LPA: variants seen among roughly 807,000 people sequenced by gnomAD.
The protein encoded by LPA is apolipoprotein(a).
In LPA, 199 loss-of-function variants were observed where a neutral mutation model predicts 197.9. The observed-to-expected ratio is 1.01, with a 90% confidence interval of 0.90 to 1.13. The LOEUF is 1.13. Ranked by LOEUF, LPA falls within the 50% of genes most tolerant of loss-of-function variation. LPA has a pLI of 0.00. For synonymous variants in LPA, 715 were observed against 639.5 expected, an observed-to-expected ratio of 1.12 and a Z score of -1.78; for missense variants, 1,853 against 1,785.8, an observed-to-expected ratio of 1.04 and a Z score of -0.68.
rs1338011677 is a variant in LPA, at chr6:160,586,472, C to G, written c.4106G>C (p.Ser1369Thr). 1 of 1,613,496 alleles carries G rather than the reference C, an allele frequency of 6.2e-7. No individual in the cohort carries two copies. Among genetic ancestry groups the G allele is most frequent in the Non-Finnish European group, 8.5e-7 (1 of 1,179,660 alleles). Reference protein sequence around the residue: ...LTTPTVVPVPSTELPSEEAPT... With the variant: ...LTTPTVVPVPTTELPSEEAPT... ...ACCTTCTTCAGAAGGAAGCTCTGTG[C>G]TTGGAACTGGGACCACCGTGGGAGT... is the stretch of plus-strand genomic sequence containing the variant. The change falls in exon 25 of 39, where the codon AGC becomes ACC. Residue 1369 changes from serine (S) to threonine (T), a missense_variant. This residue lies in a region of LPA where 1,737 missense variants were observed against 1,504.4 expected (regional missense o/e 1.15). Coordinates refer to ENST00000316300, the MANE Select transcript of LPA (RefSeq NM_005577.4).
chr6:160,611,841 C>G (rs1259392080), intron 15 of LPA, 120 bp from the exon 16 acceptor site: 2 of 949,508 alleles, frequency 2.1e-6, no homozygotes, highest in Non-Finnish European at 3.0e-6. Context: ...TTTCCCTTAC[C>G]TGTAGGCAGA....
chr6:160,570,447 G>A (rs1468214301), intron 28 of LPA, among the ~76,000 whole-genome samples: 1 of 152,122 alleles, frequency 6.6e-6, no homozygotes, highest in African/African-American at 2.4e-5. Flanking sequence ...AGAGTACATG[G>A]ACACAGAGTG....
At chr6:160,569,607 G>A (rs913662870) in intron 28 of LPA, among the ~76,000 whole-genome samples, 3 of 152,098 alleles carry the variant, frequency 2.0e-5, no homozygotes, top group Admixed American at 1.3e-4. Context: ...AAAAGCAATA[G>A]CAACAAAAGC....
rs760313861 is a variant in LPA at position 160,595,475 on chromosome 6, G to A, written c.3348C>T (p.Thr1116=). ...ACTCCCACCTGACACTGGGATCCAT[G>A]GTGTAACACCAAGGGCGAATCTCAG... ...PDAEIRPWCY[T]MDPSVRWEYC... is the part of the protein sequence containing the mutation. The change falls in exon 21 of 39, where the codon ACC becomes ACT. Residue 1116 remains threonine, a synonymous_variant. Transcript: ENST00000316300. 3.7e-6 allele frequency: 6 copies of A among 1,613,682 alleles called. No homozygotes were observed. The highest frequency in any genetic ancestry group is 1.7e-5 in the Admixed American group (1 of 59,966).
At chr6:160,652,704 C>A (rs1436122503) in intron 1 of LPA, among the ~76,000 whole-genome samples, 1 of 151,962 alleles carries the variant, frequency 6.6e-6, no homozygotes, top group Non-Finnish European at 1.5e-5. Context: ...AAAATAGTGT[C>A]AATGTATTAT....
intron 2 of LPA, among the ~76,000 whole-genome samples, chr6:160,647,813 A>G (rs981750891): frequency 1.3e-5 from 2 of 152,236 alleles, no homozygotes; most frequent in African/African-American, 4.8e-5. Context: ...ATATATTGGT[A>G]TCATTTTGCT....
chr6:160,580,664 G>A (rs1477755498), intron 26 of LPA, among the ~76,000 whole-genome samples: 1 of 152,154 alleles, frequency 6.6e-6, no homozygotes, highest in African/African-American at 2.4e-5. Flanking sequence ...TGATGGCTAA[G>A]ATGTTGTGCA....
intron 7 of LPA, among the ~76,000 whole-genome samples, chr6:160,634,491 C>A (rs1225039241): frequency 1.0e-4 from 14 of 135,350 alleles, no homozygotes; most frequent in South Asian, 7.1e-4. Context: ...TGCCCTGCAT[C>A]CTGAATTGCA....
chr6:160,584,979 G>C (rs1778879056), intron 26 of LPA, 67 bp downstream of exon 26: 3 of 1,532,214 alleles, frequency 2.0e-6, no homozygotes, highest in Non-Finnish European at 2.7e-6. Flanking sequence ...TGAGCTTGTA[G>C]CATGGGCCAG....
chr6:160,557,019 C>A (rs1314685688), intron 29 of LPA, among the ~76,000 whole-genome samples: 1 of 152,138 alleles, frequency 6.6e-6, no homozygotes, highest in Non-Finnish European at 1.5e-5. Context: ...ACCTCAGCAA[C>A]TGCAATGCTG....
intron 24 of LPA, among the ~76,000 whole-genome samples, chr6:160,586,986 G>A (rs1056205393): frequency 2.0e-5 from 3 of 152,124 alleles, no homozygotes; most frequent in Admixed American, 1.3e-4. Flanking sequence ...ATTGTTTCAC[G>A]TACATACAAA....
intron 1 of LPA, among the ~76,000 whole-genome samples, chr6:160,661,458 A>T (rs1582907909): frequency 6.6e-6 from 1 of 152,196 alleles, no homozygotes; most frequent in African/African-American, 2.4e-5. Flanking sequence ...GTAGAAAGGC[A>T]GATGAACAGA....
intron 22 of LPA, 81 bp downstream of exon 22, chr6:160,593,874 TAAG>T (rs1390123624): frequency 1.3e-6 from 2 of 1,534,622 alleles, no homozygotes; most frequent in Non-Finnish European, 1.8e-6. Context: ...AAATTTGTCA[TAAG>T]AAGTTAGTTG....
intron 28 of LPA, among the ~76,000 whole-genome samples, chr6:160,565,559 C>T (rs1473005142): frequency 6.6e-6 from 1 of 152,096 alleles, no homozygotes; most frequent in Non-Finnish European, 1.5e-5. Flanking sequence ...AGATAAACCA[C>T]AAAGATGGGG....
chr6:160,581,604 T>G (rs1277155381), intron 26 of LPA, among the ~76,000 whole-genome samples: 1 of 152,178 alleles, frequency 6.6e-6, no homozygotes, highest in Non-Finnish European at 1.5e-5. Flanking sequence ...CAATACCACA[T>G]GTCTTGATTA....
intron 30 of LPA, among the ~76,000 whole-genome samples, chr6:160,550,104 C>G (rs183317036): frequency 5.3e-5 from 8 of 152,204 alleles, no homozygotes; most frequent in African/African-American, 1.9e-4. Flanking sequence ...ATCTGTAGTC[C>G]CAGCTACTCA....
rs1488951055 is a variant in LPA, at chr6:160,594,135, G to A, written c.3470-18C>T. On this transcript the variant is annotated intron_variant, in intron 21 of 38. Transcript: ENST00000316300. ...CGTTGGTGCTGAAATTCAAAGAGGA[G>A]AAATCAAGCTGAGTAATTTCTAGAA... 6.2e-7 allele frequency: 1 copy of A among 1,613,664 alleles called. No homozygotes were observed. The highest frequency in any genetic ancestry group is 1.7e-5 in the Admixed American group (1 of 60,014).
At chr6:160,548,267 A>G (rs1426509822) in intron 31 of LPA, among the ~76,000 whole-genome samples, 1 of 151,928 alleles carries the variant, frequency 6.6e-6, no homozygotes, top group Admixed American at 6.6e-5. Context: ...TAAAGTCACT[A>G]CTCCCACAAG....
chr6:160,654,261 T>A (rs1780093382), intron 1 of LPA, among the ~76,000 whole-genome samples: 1 of 147,384 alleles, frequency 6.8e-6, no homozygotes, highest in South Asian at 2.2e-4. Context: ...GCAGGAAGCA[T>A]TTGGCACAGG....
Sources: allele counts gnomAD v4.1 joint callset (sites outside exome capture counted in the v4.1 genomes callset), GRCh38; gene constraint gnomAD v4.1.1; regional missense constraint gnomAD v4.1.1; transcripts MANE v1.5; gene names NCBI Gene and HGNC (gene_info 2026-07-23, HGNC 2026-07-21).